Variants in ZFHX3 observed in about 807,000 individuals in gnomAD.
The protein encoded by ZFHX3 is zinc finger homeobox 3.
A neutral mutation model predicts 279.1 loss-of-function variants in ZFHX3; 42 were observed. The ratio of observed to expected loss-of-function variants is 0.15; its 90% CI spans 0.12 to 0.19. ZFHX3 has a LOEUF of 0.19. ZFHX3 is among the 10% of genes least tolerant of loss of function. ZFHX3 has a pLI of 1.00. For missense variants in ZFHX3, 4,981 were observed against 4,754.0 expected, an observed-to-expected ratio of 1.05 and a Z score of -1.40; for synonymous variants, 2,293 against 1,957.8, an observed-to-expected ratio of 1.17 and a Z score of -4.52.
intron 1 of ZFHX3, among the ~76,000 whole-genome samples, chr16:73,831,340 G>A (rs551874710): frequency 2.6e-5 from 4 of 152,334 alleles, no homozygotes; most frequent in African/African-American, 9.6e-5. Context: ...GTCACACTTT[G>A]GCAGGGAATC....
chr16:72,867,906 A>C (rs2038060750), intron 4 of ZFHX3, among the ~76,000 whole-genome samples: 1 of 152,170 alleles, frequency 6.6e-6, no homozygotes, highest in Non-Finnish European at 1.5e-5. Flanking sequence ...AATGGTGACA[A>C]TATCAAGAGC....
intron 2 of ZFHX3, among the ~76,000 whole-genome samples, chr16:73,664,306 A>G (rs185328684): frequency 6.6e-6 from 1 of 152,324 alleles, no homozygotes; most frequent in African/African-American, 2.4e-5. Context: ...CATGAAAAAC[A>G]AAGAACTACC....
chr16:72,911,872 G>C (rs909880126), intron 3 of ZFHX3, among the ~76,000 whole-genome samples: 1 of 152,144 alleles, frequency 6.6e-6, no homozygotes, highest in Non-Finnish European at 1.5e-5. Flanking sequence ...GCAGAGGGCA[G>C]GGGGAGAGGG....
intron 1 of ZFHX3, among the ~76,000 whole-genome samples, chr16:73,028,152 G>C (rs951255757): frequency 3.3e-5 from 5 of 152,120 alleles, no homozygotes; most frequent in Non-Finnish European, 7.3e-5. Flanking sequence ...TGTGGGGACA[G>C]AGCTTCAGTC....
chr16:73,328,367 A>T (rs991710852), intron 3 of ZFHX3, among the ~76,000 whole-genome samples: 21 of 152,232 alleles, frequency 1.4e-4, no homozygotes, highest in African/African-American at 5.1e-4. Flanking sequence ...TCAATGAAAC[A>T]TCACTCACTG....
chr16:73,259,138 G>A (rs919713334), intron 4 of ZFHX3, among the ~76,000 whole-genome samples: 5 of 152,182 alleles, frequency 3.3e-5, no homozygotes, highest in African/African-American at 9.7e-5. Context: ...GTCACAGCGC[G>A]GGGAACATGA....
Position 72,795,940 on chromosome 16 carries a change from T to G in ZFHX3, c.6742A>C (p.Arg2248=), listed in dbSNP as rs1378446746. 4 of 1,614,166 alleles carry G rather than the reference T, an allele frequency of 2.5e-6. No homozygotes were observed. Among genetic ancestry groups the G allele is most frequent in the Non-Finnish European group, 3.4e-6 (4 of 1,180,032 alleles). ...ACCCTCAGCTGGTAGTCCGTAAACC[T>G]TGTTCTTGAAGACCTCTTGCTTCCC... ...YWGSKRSSRT[R]FTDYQLRVLQ... The change falls in exon 9 of 10, where the codon AGG becomes CGG. Residue 2248 remains arginine, a synonymous_variant. Transcript: ENST00000268489.
intron 2 of ZFHX3, among the ~76,000 whole-genome samples, chr16:73,588,917 A>G (rs765915437): frequency 6.6e-6 from 1 of 151,994 alleles, no homozygotes; most frequent in Non-Finnish European, 1.5e-5. Flanking sequence ...GAGGAGAAAC[A>G]TATAGAACAC....
At chr16:73,493,895 T>C (rs1330985046) in intron 2 of ZFHX3, among the ~76,000 whole-genome samples, 1 of 152,090 alleles carries the variant, frequency 6.6e-6, no homozygotes, top group Non-Finnish European at 1.5e-5. Context: ...GAATGCACGA[T>C]AAAAAGCCAA....
intron 1 of ZFHX3, among the ~76,000 whole-genome samples, chr16:73,729,004 G>C (rs1373742542): frequency 6.6e-6 from 1 of 152,134 alleles, no homozygotes; most frequent in Non-Finnish European, 1.5e-5. Flanking sequence ...AGTGTGTTCA[G>C]CCAGGGAAGA....
chr16:72,975,668 A>C (rs2144523403), intron 1 of ZFHX3, among the ~76,000 whole-genome samples: 1 of 152,340 alleles, frequency 6.6e-6, no homozygotes, highest in East Asian at 1.9e-4. Context: ...TAAAATAACA[A>C]AGGAAAATTT....
At chr16:73,802,550 C>T (rs1443389995) in intron 1 of ZFHX3, among the ~76,000 whole-genome samples, 3 of 152,142 alleles carry the variant, frequency 2.0e-5, no homozygotes, top group East Asian at 1.9e-4. Context: ...CTACACTAAA[C>T]TCAGGGAAAA....
At chr16:73,104,111 T>C (rs150395312) in intron 7 of ZFHX3, among the ~76,000 whole-genome samples, 3 of 152,172 alleles carry the variant, frequency 2.0e-5, no homozygotes, top group African/African-American at 7.2e-5. Flanking sequence ...CAGACTGTTA[T>C]GGGAGGTCTC....
At chr16:73,585,548 C>T (rs567927524) in intron 2 of ZFHX3, among the ~76,000 whole-genome samples, 54 of 152,282 alleles carry the variant, frequency 3.5e-4, no homozygotes, top group Admixed American at 6.5e-4. Context: ...CACCATGACA[C>T]ATGTTTACCT....
intron 4 of ZFHX3, among the ~76,000 whole-genome samples, chr16:72,858,921 T>A (rs1247820768): frequency 6.6e-6 from 1 of 152,154 alleles, no homozygotes; most frequent in African/African-American, 2.4e-5. Flanking sequence ...AGACAGCTCA[T>A]CTAGAAAGCT....
At chr16:73,482,714 AAG>A (rs990319112) in intron 2 of ZFHX3, among the ~76,000 whole-genome samples, 2 of 152,206 alleles carry the variant, frequency 1.3e-5, no homozygotes, top group Admixed American at 1.3e-4. Context: ...AGGTGATTAA[AAG>A]AGAGAGAGGT....
Position 72,957,451 on chromosome 16 carries a change from T to A in ZFHX3, c.2695A>T (p.Met899Leu), listed in dbSNP as rs139513309. 6.2e-7 allele frequency: 1 copy of A among 1,611,354 alleles called. No homozygotes were observed. The highest frequency in any genetic ancestry group is 8.5e-7 in the Non-Finnish European group (1 of 1,178,382). ...SGFQLDPAGP[M>L]AAMTPALVGG... ...CCTAGAGCAGGCGTCATGGCGGCCA[T>A]GGGCCCGGCGGGATCCAGCTGGAAT... The change falls in exon 2 of 10, where the codon ATG becomes TTG. Residue 899 changes from methionine (M) to leucine (L), a missense_variant. This residue lies in a region of ZFHX3 where 1,751 missense variants were observed against 1,770.0 expected (regional missense o/e 0.99). Coordinates refer to ENST00000268489, the MANE Select transcript of ZFHX3 (RefSeq NM_006885.4).
At chr16:73,873,722 G>A (rs576300441) in intron 1 of ZFHX3, among the ~76,000 whole-genome samples, 2 of 152,280 alleles carry the variant, frequency 1.3e-5, no homozygotes, top group African/African-American at 2.4e-5. Context: ...GGAAAAAAAT[G>A]CATATGAATC....
At chr16:72,847,676 A>G (rs1292604708) in intron 4 of ZFHX3, among the ~76,000 whole-genome samples, 1 of 152,022 alleles carries the variant, frequency 6.6e-6, no homozygotes, top group African/African-American at 2.4e-5. Context: ...ATTCCTTTCC[A>G]GGCTTGCTGG....
Sources: allele counts gnomAD v4.1 joint callset (sites outside exome capture counted in the v4.1 genomes callset), GRCh38; gene constraint gnomAD v4.1.1; regional missense constraint gnomAD v4.1.1; transcripts MANE v1.5; gene names NCBI Gene and HGNC (gene_info 2026-07-23, HGNC 2026-07-21).